The following BTBD10 variants were observed in gnomAD, a reference collection of about 807,000 sequenced individuals.
BTBD10 encodes BTB domain containing 10, also known as BTB/POZ domain-containing protein 10.
In BTBD10, 21 loss-of-function variants were observed where a neutral mutation model predicts 53.2. The ratio of observed to expected loss-of-function variants is 0.39; its 90% CI spans 0.28 to 0.57. The LOEUF (loss-of-function observed/expected upper bound fraction) is 0.57. Among genes scored for constraint, BTBD10 ranks in the 20% least tolerant of loss-of-function variants. The pLI is 0.53. For missense variants in BTBD10, 360 were observed against 594.7 expected (o/e 0.61, Z 4.10); for synonymous variants, 149 against 192.7 (o/e 0.77, Z 1.88).
At chr11:13,440,571 C>T (rs1397508371) in intron 2 of BTBD10, among the ~76,000 whole-genome samples, 2 of 152,172 alleles carry the variant, frequency 1.3e-5, no homozygotes, top group African/African-American at 4.8e-5. Flanking sequence ...CACTCAAGAA[C>T]TATTCTTTAA....
At chr11:13,416,742 CGA>C (rs1565244046) in intron 5 of BTBD10, among the ~76,000 whole-genome samples, 1 of 151,968 alleles carries the variant, frequency 6.6e-6, no homozygotes, top group East Asian at 1.9e-4. Context: ...TTTGGGAGGC[CGA>C]GGCAGGAGGA....
intron 2 of BTBD10, among the ~76,000 whole-genome samples, chr11:13,438,038 G>T (rs989066951): frequency 2.0e-5 from 3 of 152,022 alleles, no homozygotes; most frequent in Non-Finnish European, 4.4e-5. Context: ...TCTGTTAGAG[G>T]TGGTAGTGGT....
At chr11:13,401,841 T>G (rs1212378128) in intron 8 of BTBD10, among the ~76,000 whole-genome samples, 1 of 152,184 alleles carries the variant, frequency 6.6e-6, no homozygotes, top group Admixed American at 6.5e-5. Context: ...CTACTAACTT[T>G]CAGACCAACT....
chr11:13,406,595 G>C (rs1949835677), intron 6 of BTBD10, among the ~76,000 whole-genome samples: 1 of 138,832 alleles, frequency 7.2e-6, no homozygotes, highest in South Asian at 2.5e-4. Flanking sequence ...GAGAAACAGA[G>C]AGTGAGCCAG....
chr11:13,395,573 T>C (rs1949525718), intron 8 of BTBD10, among the ~76,000 whole-genome samples: 1 of 152,236 alleles, frequency 6.6e-6, no homozygotes, highest in Non-Finnish European at 1.5e-5. Context: ...TTGGCTTTTG[T>C]TGCCATTGCT....
intron 6 of BTBD10, among the ~76,000 whole-genome samples, chr11:13,410,889 T>C (rs901680577): frequency 3.9e-5 from 6 of 152,124 alleles, no homozygotes; most frequent in African/African-American, 1.4e-4. Context: ...TGTGAATAAA[T>C]GGGAAGACAC....
chr11:13,396,316 T>A (rs1422151549), intron 8 of BTBD10, among the ~76,000 whole-genome samples: 1 of 152,194 alleles, frequency 6.6e-6, no homozygotes, highest in Non-Finnish European at 1.5e-5. Context: ...GAATGGGAGT[T>A]CACTCATGAT....
rs769798194 is a variant in BTBD10 at position 13,445,115 on chromosome 11, G to A, written c.10C>T (p.Arg4Trp). 1.3e-5 allele frequency: 21 copies of A among 1,612,324 alleles called. No individual in the cohort carries two copies. The Admixed American group carries it at 1.8e-4, about 14-fold the overall frequency. ...GAGTTACCATCATAGGGATGAGGCC[G>A]TCCTGCCATCCCACTCCAAGCTTCC... MAGRPHPYDGNSSD... is the reference protein window; with the variant it reads MAGWPHPYDGNSSD... The change falls in exon 2 of 9, where the codon CGG becomes TGG. Residue 4 changes from arginine to tryptophan, a missense_variant. Arg to Trp is a moderately radical substitution (Grantham distance 101, BLOSUM62 -3). Transcript: ENST00000278174.
chr11:13,426,197 G>T (rs1362750947), intron 2 of BTBD10, among the ~76,000 whole-genome samples: 1 of 151,818 alleles, frequency 6.6e-6, no homozygotes, highest in African/African-American at 2.4e-5. Context: ...GAAAAAAAAT[G>T]AAAACAAACC....
At chr11:13,462,423 C>T (rs1475020860) in intron 1 of BTBD10, among the ~76,000 whole-genome samples, 1 of 152,158 alleles carries the variant, frequency 6.6e-6, no homozygotes, top group Non-Finnish European at 1.5e-5. Flanking sequence ...TCATCATGGA[C>T]TCAGAATACT....
intron 6 of BTBD10, among the ~76,000 whole-genome samples, chr11:13,412,303 A>T (rs909554012): frequency 2.0e-5 from 3 of 152,100 alleles, no homozygotes; most frequent in Non-Finnish European, 4.4e-5. Context: ...AAACAAAAAA[A>T]TTAGCCAGGT....
At position 13,397,413 on chromosome 11, in the gene BTBD10, C is replaced by T. The variant is rs1264131820; in HGVS notation, c.1117+5755G>A. Among the ~76,000 whole-genome samples, 5 of 152,208 alleles carry T rather than the reference C, an allele frequency of 3.3e-5. No homozygotes were observed. The East Asian group carries it at 9.7e-4, about 29-fold the overall frequency. On this transcript the variant is annotated intron_variant, in intron 8 of 8. Coordinates refer to ENST00000278174, the MANE Select transcript of BTBD10 (RefSeq NM_032320.7). Reference sequence around the variant, plus strand: ...TCCCTTTTAACATTTTTTATTGCGTCTATTTGATTCTTCTCTCTTTTCTTC... The same window carrying T: ...TCCCTTTTAACATTTTTTATTGCGTTTATTTGATTCTTCTCTCTTTTCTTC...
At chr11:13,407,950 T>G (rs531210356) in intron 6 of BTBD10, among the ~76,000 whole-genome samples, 1 of 152,338 alleles carries the variant, frequency 6.6e-6, no homozygotes, top group East Asian at 1.9e-4. Flanking sequence ...TTGACATTCC[T>G]AGCTGAGTCC....
intron 6 of BTBD10, among the ~76,000 whole-genome samples, chr11:13,412,864 G>A (rs1036726919): frequency 2.6e-5 from 4 of 152,080 alleles, no homozygotes; most frequent in Admixed American, 6.6e-5. Context: ...ACTTTTTTGT[G>A]CATAATCACA....
chr11:13,393,412 G>A (rs1949457481), intron 8 of BTBD10, among the ~76,000 whole-genome samples: 1 of 152,144 alleles, frequency 6.6e-6, no homozygotes, highest in South Asian at 2.1e-4. Context: ...CTTGGGATTG[G>A]TATGGCAGGG....
chr11:13,456,992 C>G (rs1477311612), intron 1 of BTBD10, among the ~76,000 whole-genome samples: 1 of 152,064 alleles, frequency 6.6e-6, no homozygotes, highest in Admixed American at 6.5e-5. Context: ...GAAACCCTAT[C>G]TCTACTAAAA....
chr11:13,414,497 C>CA (rs1950045536), intron 5 of BTBD10, among the ~76,000 whole-genome samples: 1 of 151,702 alleles, frequency 6.6e-6, no homozygotes, highest in African/African-American at 2.4e-5. Context: ...ACTAAGAATA[C>CA]AAAAAAATTA....
intron 2 of BTBD10, among the ~76,000 whole-genome samples, chr11:13,428,407 T>G (rs145750295): frequency 1.2e-3 from 177 of 152,208 alleles, no homozygotes; most frequent in African/African-American, 4.2e-3. Flanking sequence ...AGAAAATTGA[T>G]GAGAAGATAG....
intron 1 of BTBD10, among the ~76,000 whole-genome samples, chr11:13,452,911 T>C (rs1025540447): frequency 9.2e-5 from 14 of 152,206 alleles, no homozygotes; most frequent in African/African-American, 3.1e-4. Context: ...ATAAATTTTG[T>C]GTATATTTTA....
Sources: allele counts gnomAD v4.1 joint callset (sites outside exome capture counted in the v4.1 genomes callset), GRCh38; gene constraint gnomAD v4.1.1; transcripts MANE v1.5; gene names NCBI Gene and HGNC (gene_info 2026-07-23, HGNC 2026-07-21).